Variants in RTN4IP1 observed in about 807,000 individuals in gnomAD.
The protein encoded by RTN4IP1 is reticulon 4 interacting protein 1.
Under a neutral mutation model 46.6 loss-of-function variants are expected in RTN4IP1, and 32 were observed. The observed-to-expected ratio is 0.69, with a 90% CI of 0.52 to 0.92. The LOEUF (loss-of-function observed/expected upper bound fraction) is 0.92. Ranked by LOEUF, RTN4IP1 falls within the 40% of genes least tolerant of loss-of-function variation. RTN4IP1 has a pLI of 0.00. For missense variants in RTN4IP1, 424 were observed against 485.8 expected, an observed-to-expected ratio of 0.87 and a Z score of 1.20; for synonymous variants, 167 against 161.8, an observed-to-expected ratio of 1.03 and a Z score of -0.24.
Position 106,611,026 on chromosome 6 carries a change from G to A in RTN4IP1, c.621-8104C>T, listed in dbSNP as rs536493132. On this transcript the variant is annotated intron_variant, in intron 4 of 8. Coordinates refer to ENST00000369063, the MANE Select transcript of RTN4IP1 (RefSeq NM_032730.5). The stretch of plus-strand genomic sequence containing the variant: ...GTATTGTAATCTTATGAGGTAGGGC[G>A]CCAACCCCCTTAGCTGCCTTACAAA... 4.7e-5 allele frequency among the ~76,000 whole-genome samples: 7 copies of A among 149,716 alleles called. No individual in the cohort carries two copies. In the East Asian group the frequency reaches 6.0e-4, roughly 13 times the overall value.
chr6:106,576,974 T>C (rs558799001), intron 8 of RTN4IP1, among the ~76,000 whole-genome samples: 7 of 152,322 alleles, frequency 4.6e-5, no homozygotes, highest in African/African-American at 1.7e-4. Flanking sequence ...GCATAAGAAC[T>C]ATTCTGATGC....
intron 8 of RTN4IP1, among the ~76,000 whole-genome samples, chr6:106,575,543 G>A (rs1775206302): frequency 6.6e-6 from 1 of 152,168 alleles, no homozygotes; most frequent in South Asian, 2.1e-4. Flanking sequence ...TAACACTTGA[G>A]GCTTCGGAAG....
intron 4 of RTN4IP1, among the ~76,000 whole-genome samples, chr6:106,608,319 C>T (rs1398027279): frequency 1.3e-5 from 2 of 152,122 alleles, no homozygotes; most frequent in African/African-American, 2.4e-5. Flanking sequence ...TGTGGTTTAT[C>T]AGTCGCCAGG....
At chr6:106,577,447 CA>C (rs58921891) in intron 8 of RTN4IP1, among the ~76,000 whole-genome samples, 263 of 55,372 alleles carry the variant, frequency 4.7e-3, no homozygotes, top group African/African-American at 0.02. Flanking sequence ...GACCCTGTCT[CA>C]AAAAAAAAAA....
At chr6:106,588,031 G>A (rs1332113403) in intron 6 of RTN4IP1, among the ~76,000 whole-genome samples, 169 bp from the exon 7 acceptor site, 4 of 152,188 alleles carry the variant, frequency 2.6e-5, no homozygotes, top group Non-Finnish European at 4.4e-5. Flanking sequence ...GGAGATGGAA[G>A]GACATACTCA....
chr6:106,572,771 G>GT (rs888705458), intron 8 of RTN4IP1, among the ~76,000 whole-genome samples: 106 of 149,826 alleles, frequency 7.1e-4, no homozygotes, highest in East Asian at 1.8e-3. Flanking sequence ...CATGGAAATA[G>GT]TTTTTTTTTT....
intron 1 of RTN4IP1, among the ~76,000 whole-genome samples, chr6:106,627,219 T>C (rs1776671588): frequency 6.6e-6 from 1 of 151,770 alleles, no homozygotes; most frequent in South Asian, 2.1e-4. Flanking sequence ...AAGAATACTA[T>C]ATAAAAGTAA....
chr6:106,571,176 C>A lies in RTN4IP1; in HGVS notation c.*820G>T, dbSNP rs1464918828. 6.6e-6 allele frequency: 1 copy of A among 152,154 alleles called. No individual in the cohort carries two copies. The highest frequency in any genetic ancestry group is 6.5e-5 in the Admixed American group (1 of 15,278). The allele number at this position is 152,154 out of a possible 1,614,324, so 9.4% of individuals were successfully genotyped here. On this transcript the variant is annotated 3_prime_UTR_variant, in exon 9 of 9. Transcript: ENST00000369063. ...TAAAAAGTTAGAAACTCTGCTCTCA[C>A]CTTTCAATATTAAGAGCATAAACAA...
chr6:106,571,401 GTAC>G lies in RTN4IP1; in HGVS notation c.*592_*594del, dbSNP rs1775054610. The stretch of plus-strand genomic sequence containing the variant: ...TCTATACACTGAAAGTTTTAGTATT[GTAC>G]ATTAAGACGATCAGGCCCAGCAGGG... On this transcript the variant is annotated 3_prime_UTR_variant, in exon 9 of 9. Transcript: ENST00000369063. 1 of 152,296 alleles carries G rather than the reference GTAC, an allele frequency of 6.6e-6. No homozygotes were observed. The highest frequency in any genetic ancestry group is 6.5e-5 in the Admixed American group (1 of 15,276). 9.4% of individuals were successfully genotyped at this position (152,296 alleles called of 1,614,324 possible).
Position 106,605,741 on chromosome 6 carries a change from C to T in RTN4IP1, c.621-2819G>A, listed in dbSNP as rs111491806. The stretch of plus-strand genomic sequence containing the variant: ...CTGAGGCAGGAGAATAGCATGAACC[C>T]GGGAGGCAGAGGTTGCAGTGAGCTG... On this transcript the variant is annotated intron_variant, in intron 4 of 8. Coordinates refer to ENST00000369063, the MANE Select transcript of RTN4IP1 (RefSeq NM_032730.5). Among the ~76,000 whole-genome samples the T allele has an allele frequency of 4.6e-3, 644 of 140,082 alleles. 8 individuals are homozygous for T. Among genetic ancestry groups the T allele is most frequent in the African/African-American group, 0.017 (625 of 37,430 alleles). The allele number at this position is 140,082 out of a possible 152,430, so 91.9% of individuals were successfully genotyped here.
At chr6:106,628,674 T>A in intron 1 of RTN4IP1, 74 bp downstream of exon 1, 1 of 1,339,020 alleles carries the variant, frequency 7.5e-7, no homozygotes, top group Non-Finnish European at 1.0e-6. Context: ...AGAAGCGTAG[T>A]CAATTTTTTA....
chr6:106,606,646 C>T (rs1043817616), intron 4 of RTN4IP1, among the ~76,000 whole-genome samples: 1 of 151,956 alleles, frequency 6.6e-6, no homozygotes. Context: ...GTGGCTCACA[C>T]CTCTAATCCC....
At chr6:106,599,340 T>C (rs191231683) in intron 5 of RTN4IP1, among the ~76,000 whole-genome samples, 119 of 152,114 alleles carry the variant, frequency 7.8e-4, no homozygotes, top group Middle Eastern at 3.4e-3. Context: ...ATAACCACTA[T>C]TCAAAATTAA....
intron 1 of RTN4IP1, among the ~76,000 whole-genome samples, chr6:106,624,254 C>T (rs890645801): frequency 2.6e-5 from 4 of 152,112 alleles, no homozygotes; most frequent in African/African-American, 9.7e-5. Context: ...TGGGATTTCA[C>T]CATGTTGGCC....
chr6:106,592,306 C>T lies in RTN4IP1; in HGVS notation c.670-6G>A. On this transcript the variant is annotated splice_region_variant and splice_polypyrimidine_tract_variant and intron_variant, in intron 5 of 8. Transcript: ENST00000369063. ...GCATCCCATGCTTTCATTACCTGCCCCCCACCAAAAAGAAAAAAAGAATAA... is the reference window on the plus strand; with the variant it reads ...GCATCCCATGCTTTCATTACCTGCCTCCCACCAAAAAGAAAAAAAGAATAA... 1 of 1,603,074 alleles carries T rather than the reference C, an allele frequency of 6.2e-7. No individual in the cohort carries two copies. The highest frequency in any genetic ancestry group is 8.5e-7 in the Non-Finnish European group (1 of 1,177,324).
chr6:106,573,100 G>A (rs1031531563), intron 8 of RTN4IP1, among the ~76,000 whole-genome samples: 1 of 152,234 alleles, frequency 6.6e-6, no homozygotes. Flanking sequence ...GCTCATAAAT[G>A]TTTCAATGCT....
intron 1 of RTN4IP1, among the ~76,000 whole-genome samples, chr6:106,626,962 C>T (rs1028016252): frequency 2.6e-5 from 4 of 151,976 alleles, no homozygotes; most frequent in Non-Finnish European, 2.9e-5. Context: ...CAGTAGTGGC[C>T]GTCTCCAGAA....
rs1776734650 is a variant in RTN4IP1 at position 106,628,969 on chromosome 6, CA to C, written c.52del (p.Cys18AlafsTer30). 6.2e-7 allele frequency: 1 copy of C among 1,613,982 alleles called. No individual in the cohort carries two copies. The highest frequency in any genetic ancestry group is 1.3e-5 in the African/African-American group (1 of 74,922). On this transcript the variant is annotated frameshift_variant, in exon 1 of 9. Coordinates refer to ENST00000369063, the MANE Select transcript of RTN4IP1 (RefSeq NM_032730.5). LOFTEE classifies it high-confidence loss of function. ...VLRRNACTAV[C>X]FWRSKVVQKP... ...TTGGACAACTTTGCTTCTCCAGAAGCAAACCGCAGTGCATGCATTTCTTCTA... is the reference window on the plus strand; with the variant it reads ...TTGGACAACTTTGCTTCTCCAGAAGCAACCGCAGTGCATGCATTTCTTCTA...
chr6:106,616,518 A>G (rs1026653374), intron 4 of RTN4IP1, among the ~76,000 whole-genome samples: 9 of 152,198 alleles, frequency 5.9e-5, no homozygotes, highest in Non-Finnish European at 1.0e-4. Context: ...TTCATCTTTG[A>G]TAACAAATAC....
Sources: gnomAD v4.1 joint callset for allele counts (sites outside exome capture counted in the v4.1 genomes callset) on GRCh38, gnomAD v4.1.1 for gene constraint, MANE v1.5 for transcripts, NCBI Gene and HGNC (gene_info 2026-07-23, HGNC 2026-07-21) for gene names.